SYTL2: variants seen among roughly 807,000 people sequenced by gnomAD.
SYTL2 encodes the protein synaptotagmin like 2.
In SYTL2, 165 loss-of-function variants were observed where a neutral mutation model predicts 198.7. The ratio of observed to expected loss-of-function variants is 0.83; its 90% CI spans 0.73 to 0.94. The LOEUF (loss-of-function observed/expected upper bound fraction) is 0.94. Ranked by LOEUF, SYTL2 falls within the 40% of genes least tolerant of loss-of-function variation. SYTL2 has a pLI of 0.00. For missense variants in SYTL2, 2,835 were observed against 2,582.8 expected (o/e 1.10, Z -2.12); for synonymous variants, 966 against 917.7 (o/e 1.05, Z -0.95).
At chr11:85,777,426 A>C (rs979385903) in intron 1 of SYTL2, among the ~76,000 whole-genome samples, 6 of 152,232 alleles carry the variant, frequency 3.9e-5, no homozygotes, top group African/African-American at 1.4e-4. Flanking sequence ...ATGCCTGTAC[A>C]GCAAGCCTAC....
chr11:85,718,649 T>C, intron 10 of SYTL2, 141 bp downstream of exon 10: 7 of 688,632 alleles, frequency 1.0e-5, no homozygotes, highest in Non-Finnish European at 1.5e-5. Flanking sequence ...TCAGAACTGT[T>C]TTATAGTAAC....
chr11:85,729,745 C>A (rs1043951494), intron 7 of SYTL2, among the ~76,000 whole-genome samples: 3 of 152,038 alleles, frequency 2.0e-5, no homozygotes, highest in Non-Finnish European at 4.4e-5. Context: ...AAAATCAGAG[C>A]AGAACTGAAG....
Position 85,726,024 on chromosome 11 carries a change from G to A in SYTL2, c.3334C>T (p.Gln1112Ter). The change falls in exon 8 of 20, where the codon CAA becomes TAA. Residue 1112 changes from glutamine (Q) to a stop codon, truncating the protein, a stop_gained. Coordinates refer to ENST00000359152, the MANE Select transcript of SYTL2 (RefSeq NM_206927.4). LOFTEE classifies it high-confidence loss of function. ...VFKEEKDYSE[Q>*]EIQESIIKTN... is the part of the protein sequence containing the mutation. ...TTTATTATGGATTCTTGAATCTCTT[G>A]TTCTGAGTAATCCTTTTCTTCCTTA... is the stretch of plus-strand genomic sequence containing the variant. 1.9e-6 allele frequency: 3 copies of A among 1,613,256 alleles called. No homozygotes were observed. The highest frequency in any genetic ancestry group is 2.5e-6 in the Non-Finnish European group (3 of 1,179,750).
rs2089397797 is a variant in SYTL2, at chr11:85,727,919, C to T, written c.1439G>A (p.Gly480Asp). ...ACCTTGCTGACGGTCTCTAGAACTG[C>T]CACCTGGCACCTGAGATGGCTCAGG... ...VEPEPSQVPGGSSRDRQQGKP... is the reference protein window; with the variant it reads ...VEPEPSQVPGDSSRDRQQGKP... Residue 480 changes from glycine (G) to aspartate (D), a missense_variant, in exon 8 of 20, where the codon GGC (glycine) becomes GAC (aspartate). Gly to Asp is a moderately conservative substitution (Grantham distance 94). Coordinates refer to ENST00000359152, the MANE Select transcript of SYTL2 (RefSeq NM_206927.4). The T allele has an allele frequency of 1.2e-6, 2 of 1,613,180 alleles. No individual in the cohort carries two copies. The highest frequency in any genetic ancestry group is 1.1e-5 in the South Asian group (1 of 90,944).
intron 17 of SYTL2, 89 bp downstream of exon 17, chr11:85,700,426 G>A: frequency 1.0e-6 from 1 of 988,794 alleles, no homozygotes; most frequent in Non-Finnish European, 1.6e-6. Context: ...AGTTTCTTTA[G>A]GGCCTCACCT....
At chr11:85,770,700 T>C (rs1365415683) in intron 1 of SYTL2, among the ~76,000 whole-genome samples, 1 of 152,200 alleles carries the variant, frequency 6.6e-6, no homozygotes, top group Non-Finnish European at 1.5e-5. Flanking sequence ...TTACCTTTTA[T>C]CTGCACACAT....
intron 1 of SYTL2, among the ~76,000 whole-genome samples, chr11:85,796,950 AG>A (rs1416913678): frequency 2.6e-5 from 4 of 152,224 alleles, no homozygotes; most frequent in African/African-American, 9.6e-5. Context: ...GCACCTTAGG[AG>A]GCCAAGGCTG....
At chr11:85,746,258 C>T (rs2091149756) in intron 3 of SYTL2, among the ~76,000 whole-genome samples, 1 of 152,176 alleles carries the variant, frequency 6.6e-6, no homozygotes, top group Non-Finnish European at 1.5e-5. Context: ...TCCTCTGCTG[C>T]CTTCTCCTCC....
chr11:85,800,004 T>A (rs1004406687), intron 1 of SYTL2, among the ~76,000 whole-genome samples: 1 of 152,204 alleles, frequency 6.6e-6, no homozygotes, highest in African/African-American at 2.4e-5. Context: ...CAAGAGATTT[T>A]CTGTAAAGAT....
intron 16 of SYTL2, among the ~76,000 whole-genome samples, chr11:85,700,818 T>C (rs969783581): frequency 6.6e-6 from 1 of 152,198 alleles, no homozygotes; most frequent in African/African-American, 2.4e-5. Flanking sequence ...CCAGAAAATA[T>C]TTCAAGGCCT....
chr11:85,785,150 G>C (rs977802580), intron 1 of SYTL2, among the ~76,000 whole-genome samples: 4 of 152,172 alleles, frequency 2.6e-5, no homozygotes, highest in African/African-American at 9.7e-5. Flanking sequence ...GAGTGAAAAG[G>C]ACTTGAGTGC....
chr11:85,695,031 C>G lies in SYTL2; in HGVS notation c.*164G>C, dbSNP rs188383294. 11 of 550,486 alleles carry G rather than the reference C, an allele frequency of 2.0e-5. No individual in the cohort carries two copies. 34.1% of individuals were successfully genotyped at this position (550,486 alleles called of 1,614,324 possible). A position where few individuals can be genotyped will look rare whatever the true frequency, so the allele number is the denominator to read the frequency against. ...TTTTGTTATATTTAAATCCCTTGGG[C>G]CTTGTAATCAAAGAAGCACATGCAG... On this transcript the variant is annotated 3_prime_UTR_variant, in exon 20 of 20. Coordinates refer to ENST00000359152, the MANE Select transcript of SYTL2 (RefSeq NM_206927.4).
intron 8 of SYTL2, among the ~76,000 whole-genome samples, chr11:85,722,469 C>T (rs867081571): frequency 2.0e-5 from 3 of 151,984 alleles, no homozygotes; most frequent in Non-Finnish European, 2.9e-5. Flanking sequence ...CCACCGTGCC[C>T]AGCCTAGGTG....
In SYTL2 at chr11:85,724,999, T is replaced by C. The variant is rs114329983; in HGVS notation, c.4359A>G (p.Gln1453=). 6 of 1,614,068 alleles carry C rather than the reference T, an allele frequency of 3.7e-6. No homozygotes were observed. Among genetic ancestry groups the C allele is most frequent in the East Asian group, 4.5e-5 (2 of 44,892 alleles). Residue 1453 remains glutamine (Q), a synonymous_variant, in exon 8 of 20, where the codon CAA becomes CAG. Coordinates refer to ENST00000359152, the MANE Select transcript of SYTL2 (RefSeq NM_206927.4). ...TAAGCGTCTGGTCTGATGGAGACAT[T>C]TGGGCAGCTAAATAAGATCCAACTT... ...THEVGSYLAA[Q]MSPSDQTLSS... is the part of the protein sequence containing the mutation.
At chr11:85,822,969 T>C in the SYTL2 span, among the ~76,000 whole-genome samples, 5,674 of 152,288 alleles carry the variant, frequency 0.037, 238 homozygotes, top group African/African-American at 0.11. Context: ...AAGGTCGCCA[T>C]GCTGGCTTAA....
chr11:85,751,625 T>C (rs1185032202), intron 2 of SYTL2, among the ~76,000 whole-genome samples: 1 of 152,202 alleles, frequency 6.6e-6, no homozygotes. Context: ...ATCCAGAAAG[T>C]ACACTGGCCT....
In SYTL2 at chr11:85,748,441, C is replaced by T; in HGVS notation, c.102-18G>A. The T allele has an allele frequency of 1.2e-6, 2 of 1,612,844 alleles. No homozygotes were observed. Among genetic ancestry groups the T allele is most frequent in the Non-Finnish European group, 1.7e-6 (2 of 1,179,380 alleles). ...GCAAATGTCTACAAAAGGAAAAGAT[C>T]TTTAGTTTGCTGAGAACCCACAGTA... On this transcript the variant is annotated intron_variant, in intron 2 of 19. Transcript: ENST00000359152.
rs1591611680 is a variant in SYTL2 at position 85,707,978 on chromosome 11, A to AAAC, written c.5916-448_5916-447insGTT. The AAAC allele has an allele frequency of 2.4e-3, 346 of 142,292 alleles. 1 individual carries two copies. The highest frequency in any genetic ancestry group is 9.5e-3 in the African/African-American group (299 of 31,594). 8.8% of individuals were successfully genotyped at this position (142,292 alleles called of 1,614,324 possible). A position where few individuals can be genotyped will look rare whatever the true frequency, so the allele number is the denominator to read the frequency against. On this transcript the variant is annotated intron_variant, in intron 14 of 19. Transcript: ENST00000359152. ...TCTCAAAAAAAAAAAAAAAAAAACC[A>AAAC]CACACACACACACACACACACACAG...
intron 4 of SYTL2, among the ~76,000 whole-genome samples, chr11:85,743,085 C>T (rs1335577885): frequency 6.6e-6 from 1 of 152,194 alleles, no homozygotes; most frequent in East Asian, 1.9e-4. Context: ...ATTAGCAAAA[C>T]TCCAGAAACT....
Sources: allele counts gnomAD v4.1 joint callset (sites outside exome capture counted in the v4.1 genomes callset), GRCh38; gene constraint gnomAD v4.1.1; transcripts MANE v1.5; gene names NCBI Gene and HGNC (gene_info 2026-07-23, HGNC 2026-07-21).